The following GABRG3 variants were observed in gnomAD, a reference collection of about 807,000 sequenced individuals.
The protein encoded by GABRG3 is gamma-aminobutyric acid receptor subunit gamma-3.
GABRG3 carries 25 observed loss-of-function variants against 48.8 expected under a neutral mutation model. The observed-to-expected ratio is 0.51, with a 90% CI of 0.37 to 0.72. The LOEUF is 0.72. Among genes scored for constraint, GABRG3 ranks in the 30% least tolerant of loss-of-function variants. The probability of loss-of-function intolerance (pLI) is 0.00; values close to 1 mark genes in which losing one functional copy is unlikely to be tolerated. For missense variants in GABRG3, 394 were observed against 577.9 expected (o/e 0.68, Z 3.26); for synonymous variants, 227 against 217.6 (o/e 1.04, Z -0.38).
At chr15:27,493,585 T>C (rs1006806314) in intron 6 of GABRG3, among the ~76,000 whole-genome samples, 2 of 152,198 alleles carry the variant, frequency 1.3e-5, no homozygotes, top group Admixed American at 1.3e-4. Context: ...AATATATTAT[T>C]TTCTGAAAGA....
intron 3 of GABRG3, among the ~76,000 whole-genome samples, chr15:27,085,729 T>TG (rs1897064282): frequency 6.6e-6 from 1 of 152,174 alleles, no homozygotes; most frequent in Admixed American, 6.5e-5. Context: ...AGGCCTGCAT[T>TG]GGAGGGAGGT....
chr15:27,215,193 A>T (rs1889206954), intron 3 of GABRG3, among the ~76,000 whole-genome samples: 1 of 152,212 alleles, frequency 6.6e-6, no homozygotes, highest in South Asian at 2.1e-4. Context: ...TGCAGGGGGA[A>T]GTGAGAACTC....
At chr15:27,313,266 A>ATATATATATATATATATG (rs1595669907) in intron 3 of GABRG3, among the ~76,000 whole-genome samples, 2 of 14,438 alleles carry the variant, frequency 1.4e-4, no homozygotes, top group East Asian at 3.3e-3. Flanking sequence ...GTGTGTGTAT[A>ATATATATATATATATATG]TATATATATA....
intron 5 of GABRG3, among the ~76,000 whole-genome samples, chr15:27,393,344 C>CAAAAAAAAAA (rs34689012): frequency 1.8e-5 from 2 of 112,966 alleles, no homozygotes; most frequent in African/African-American, 3.5e-5. Flanking sequence ...ACTCCGTCTC[C>CAAAAAAAAAA]AAAAAAAAAA....
chr15:27,381,291 A>G (rs1895768225), intron 5 of GABRG3, among the ~76,000 whole-genome samples: 1 of 152,204 alleles, frequency 6.6e-6, no homozygotes, highest in Non-Finnish European at 1.5e-5. Context: ...CTCGTTAAGA[A>G]CAGAATGCTC....
At chr15:27,448,610 A>G (rs1468937217) in intron 5 of GABRG3, among the ~76,000 whole-genome samples, 1 of 152,224 alleles carries the variant, frequency 6.6e-6, no homozygotes, top group East Asian at 1.9e-4. Context: ...AAGTATTACA[A>G]AGAAAAGGTA....
At chr15:27,072,068 C>T (rs1192157357) in intron 3 of GABRG3, among the ~76,000 whole-genome samples, 4 of 152,134 alleles carry the variant, frequency 2.6e-5, no homozygotes, top group Admixed American at 6.5e-5. Context: ...TTTCTCATCC[C>T]GCCCTTAAAA....
chr15:27,206,073 G>A (rs752190169), intron 3 of GABRG3, among the ~76,000 whole-genome samples: 4 of 151,864 alleles, frequency 2.6e-5, no homozygotes, highest in South Asian at 2.1e-4. Flanking sequence ...TCTCATTTTC[G>A]TTATTTCCTT....
chr15:27,375,935 C>A (rs1481936249), intron 5 of GABRG3, among the ~76,000 whole-genome samples: 1 of 152,176 alleles, frequency 6.6e-6, no homozygotes, highest in Admixed American at 6.5e-5. Flanking sequence ...CAAAAGTCCA[C>A]AGTTCAAAGT....
At chr15:27,510,156 C>T (rs1890861899) in intron 6 of GABRG3, among the ~76,000 whole-genome samples, 1 of 152,166 alleles carries the variant, frequency 6.6e-6, no homozygotes, top group Non-Finnish European at 1.5e-5. Flanking sequence ...ACCACCTGGA[C>T]TACACTGCTG....
At chr15:27,212,396 TGGC>T (rs1889106245) in intron 3 of GABRG3, among the ~76,000 whole-genome samples, 1 of 152,230 alleles carries the variant, frequency 6.6e-6, no homozygotes, top group African/African-American at 2.4e-5. Flanking sequence ...GTTGAAGTCT[TGGC>T]TTTGTTTACA....
At chr15:27,387,803 A>AGGAGGGAG (rs369144529) in intron 5 of GABRG3, among the ~76,000 whole-genome samples, 2 of 88,368 alleles carry the variant, frequency 2.3e-5, no homozygotes, top group South Asian at 3.9e-4. Flanking sequence ...CTGAGAAAGA[A>AGGAGGGAG]GGAGGGAGGG....
chr15:27,307,006 G>GTTTATATATAAACCTA, intron 3 of GABRG3, among the ~76,000 whole-genome samples: 1 of 78,598 alleles, frequency 1.3e-5, no homozygotes, highest in Middle Eastern at 0.015. Context: ...ATATAAACAT[G>GTTTATATATAAACCTA]TATAAACATG....
rs557683345 is a variant in GABRG3 at position 27,182,648 on chromosome 15, AGAGGCTG to A, written c.271-144159_271-144153del. ...GATGACGGGAGGGGGTGCTTAGCTG[AGAGGCTG>A]GTGCACAGAAAAGCACTCCCCACAG... On this transcript the variant is annotated intron_variant, in intron 3 of 9. Transcript: ENST00000615808. 3.9e-3 allele frequency among the ~76,000 whole-genome samples: 588 copies of A among 152,256 alleles called. 2 individuals are homozygous for A. The highest frequency in any genetic ancestry group is 0.013 in the African/African-American group (551 of 41,550).
intron 3 of GABRG3, among the ~76,000 whole-genome samples, chr15:27,183,787 A>T (rs1888007812): frequency 6.6e-6 from 1 of 152,228 alleles, no homozygotes; most frequent in Admixed American, 6.5e-5. Context: ...TAAGCGTATT[A>T]ATCAGACAAA....
intron 5 of GABRG3, among the ~76,000 whole-genome samples, chr15:27,432,113 G>A (rs536152454): frequency 1.3e-5 from 2 of 152,216 alleles, no homozygotes; most frequent in East Asian, 3.9e-4. Context: ...GACGTGTATT[G>A]TGTTATTATT....
At chr15:27,040,080 T>C (rs946741278) in intron 3 of GABRG3, among the ~76,000 whole-genome samples, 1 of 152,258 alleles carries the variant, frequency 6.6e-6, no homozygotes, top group African/African-American at 2.4e-5. Flanking sequence ...CCTTGGCAGT[T>C]GGTGGTGCCT....
At chr15:26,987,865 C>T (rs985361928) in intron 2 of GABRG3, among the ~76,000 whole-genome samples, 1 of 152,194 alleles carries the variant, frequency 6.6e-6, no homozygotes, top group Non-Finnish European at 1.5e-5. Flanking sequence ...TTTAATTTCA[C>T]TTACATTCAA....
intron 2 of GABRG3, among the ~76,000 whole-genome samples, chr15:27,009,904 C>T (rs1895654134): frequency 6.6e-6 from 1 of 152,050 alleles, no homozygotes; most frequent in Non-Finnish European, 1.5e-5. Flanking sequence ...ACCACCTCTT[C>T]CTCCTTCTGC....
Sources: allele counts gnomAD v4.1 joint callset (sites outside exome capture counted in the v4.1 genomes callset), GRCh38; gene constraint gnomAD v4.1.1; transcripts MANE v1.5; gene names NCBI Gene and HGNC (gene_info 2026-07-23, HGNC 2026-07-21).